TRAT1: variants seen among roughly 807,000 people sequenced by gnomAD.
TRAT1 encodes T cell receptor associated transmembrane adaptor 1, also known as T-cell receptor-associated transmembrane adapter 1.
In TRAT1, 20 loss-of-function variants were observed where a neutral mutation model predicts 20.0. The ratio of observed to expected loss-of-function variants is 1.00; its 90% CI spans 0.70 to 1.45. TRAT1 has a LOEUF of 1.45. Ranked by LOEUF, TRAT1 falls within the 40% of genes most tolerant of loss-of-function variation. The pLI is 0.00. For missense variants in TRAT1, 237 were observed against 224.1 expected (o/e 1.06, Z -0.37); for synonymous variants, 77 against 74.2 (o/e 1.04, Z -0.20).
intron 5 of TRAT1, among the ~76,000 whole-genome samples, chr3:108,849,634 GACCTTTAGTTATAAGATAA>G (rs1945978413): frequency 6.6e-6 from 1 of 152,142 alleles, no homozygotes; most frequent in Non-Finnish European, 1.5e-5. Context: ...GGGAGAGGGA[GACCTTTAGTTATAAGATAA>G]ATTAGCTAGA....
In TRAT1 at chr3:108,843,799, C is replaced by T. The variant is rs74753538; in HGVS notation, c.153-3269C>T. Among the ~76,000 whole-genome samples the T allele has an allele frequency of 5.7e-3, 872 of 152,286 alleles. 8 individuals are homozygous for T. Among genetic ancestry groups the T allele is most frequent in the African/African-American group, 0.02 (812 of 41,548 alleles). On this transcript the variant is annotated intron_variant, in intron 3 of 5. Coordinates refer to ENST00000295756, the MANE Select transcript of TRAT1 (RefSeq NM_016388.4). ...TTCAGCTTGCTGAGTCCCTCTGCAG[C>T]ATTTGACACCCTGACACTCTCTACT... is the stretch of plus-strand genomic sequence containing the variant.
chr3:108,854,261 A>G lies in TRAT1; in HGVS notation c.*384A>G. 1 of 160,236 alleles carries G rather than the reference A, an allele frequency of 6.2e-6. No individual in the cohort carries two copies. The highest frequency in any genetic ancestry group is 1.9e-4 in the South Asian group (1 of 5,188). 9.9% of individuals were successfully genotyped at this position (160,236 alleles called of 1,614,324 possible). A position where few individuals can be genotyped will look rare whatever the true frequency, so the allele number is the denominator to read the frequency against. On this transcript the variant is annotated 3_prime_UTR_variant, in exon 6 of 6. Coordinates refer to ENST00000295756, the MANE Select transcript of TRAT1 (RefSeq NM_016388.4). Reference sequence around the variant, plus strand: ...ATGAATGTGTTCTGGAACACGTTAGAAGAAAAATAAAAGCCAATGAGTTTT... The same window carrying G: ...ATGAATGTGTTCTGGAACACGTTAGGAGAAAAATAAAAGCCAATGAGTTTT...
chr3:108,829,228 A>G (rs1365712074), intron 1 of TRAT1, among the ~76,000 whole-genome samples: 1 of 152,174 alleles, frequency 6.6e-6, no homozygotes, highest in Non-Finnish European at 1.5e-5. Flanking sequence ...GCTGTTCTAT[A>G]CTATATTATG....
chr3:108,830,788 A>G lies in TRAT1; in HGVS notation c.118+8A>G. 4 of 1,570,218 alleles carry G rather than the reference A, an allele frequency of 2.5e-6. No homozygotes were observed. The highest frequency in any genetic ancestry group is 3.5e-6 in the Non-Finnish European group (4 of 1,140,114). ...TGGAAAAGCAACGACAAGGTAAGACATTTTGACAAATTTCACATGGTACCT... is the reference window on the plus strand; with the variant it reads ...TGGAAAAGCAACGACAAGGTAAGACGTTTTGACAAATTTCACATGGTACCT... On this transcript the variant is annotated splice_region_variant and intron_variant, in intron 2 of 5. Transcript: ENST00000295756.
chr3:108,847,004 A>G, intron 3 of TRAT1, 64 bp from the exon 4 acceptor site: 1 of 1,087,418 alleles, frequency 9.2e-7, no homozygotes, highest in African/African-American at 1.6e-5. Context: ...TTTAGCTGAG[A>G]AGTCAGTTAT....
intron 2 of TRAT1, among the ~76,000 whole-genome samples, chr3:108,833,408 ACT>A (rs1945812308): frequency 1.3e-5 from 2 of 151,890 alleles, no homozygotes; most frequent in Non-Finnish European, 2.9e-5. Context: ...AAAGAGCAAG[ACT>A]CTGTCAAAAA....
chr3:108,828,132 C>T (rs1258511193), intron 1 of TRAT1, among the ~76,000 whole-genome samples: 1 of 151,870 alleles, frequency 6.6e-6, no homozygotes, highest in Non-Finnish European at 1.5e-5. Flanking sequence ...TGTTTATTTC[C>T]TTGAAGTATG....
At chr3:108,828,995 C>T (rs72949556) in intron 1 of TRAT1, among the ~76,000 whole-genome samples, 7,271 of 152,242 alleles carry the variant, frequency 0.048, 234 homozygotes, top group Middle Eastern at 0.11. Context: ...AAATCAACTT[C>T]TCATCCCTTC....
chr3:108,825,685 A>T (rs1024936826), intron 1 of TRAT1, among the ~76,000 whole-genome samples: 1 of 152,184 alleles, frequency 6.6e-6, no homozygotes, highest in Non-Finnish European at 1.5e-5. Flanking sequence ...AATGTCCCCA[A>T]GTTGCTAGTG....
intron 3 of TRAT1, among the ~76,000 whole-genome samples, chr3:108,843,383 T>C (rs1460687817): frequency 6.6e-6 from 1 of 151,930 alleles, no homozygotes; most frequent in African/African-American, 2.4e-5. Flanking sequence ...TACAAAAATT[T>C]GCTGGGCATG....
intron 4 of TRAT1, among the ~76,000 whole-genome samples, chr3:108,848,602 G>C (rs2593833): frequency 0.55 from 82,988 of 152,014 alleles, 23,131 homozygotes; most frequent in East Asian, 0.9. Context: ...GACCAGCATT[G>C]TGCAGCCCCA....
Position 108,853,814 on chromosome 3 carries a change from C to A in TRAT1, c.498C>A (p.Asn166Lys). ...FSPESQAVEE[N>K]IHDDPIRLFG... Reference sequence around the variant, plus strand: ...CAGAAAGCCAGGCAGTAGAGGAAAACATTCATGATGATCCCATCAGACTGT... The same window carrying A: ...CAGAAAGCCAGGCAGTAGAGGAAAAAATTCATGATGATCCCATCAGACTGT... The change falls in exon 6 of 6, where the codon AAC (asparagine) becomes AAA (lysine). Residue 166 changes from asparagine to lysine, a missense_variant. Physicochemically the swap from Asn to Lys is moderately conservative, Grantham distance 94. Transcript: ENST00000295756. 1 of 1,614,042 alleles carries A rather than the reference C, an allele frequency of 6.2e-7. No individual in the cohort carries two copies. Among genetic ancestry groups the A allele is most frequent in the Non-Finnish European group, 8.5e-7 (1 of 1,179,912 alleles).
At chr3:108,825,125 AT>A (rs1945724452) in intron 1 of TRAT1, among the ~76,000 whole-genome samples, 1 of 34,150 alleles carries the variant, frequency 2.9e-5, no homozygotes, top group African/African-American at 6.3e-5. Context: ...AGATGATAGT[AT>A]TTTTTATATT....
At chr3:108,823,544 T>A (rs1945710976) in intron 1 of TRAT1, among the ~76,000 whole-genome samples, 1 of 152,230 alleles carries the variant, frequency 6.6e-6, no homozygotes, top group South Asian at 2.1e-4. Context: ...AACATCTTTT[T>A]GTTGCAAAAG....
At chr3:108,837,789 A>G (rs1279104958) in intron 2 of TRAT1, among the ~76,000 whole-genome samples, 2 of 152,214 alleles carry the variant, frequency 1.3e-5, no homozygotes, top group Non-Finnish European at 2.9e-5. Context: ...GTTCAACAGT[A>G]AAGAAAATTT....
chr3:108,845,414 C>T (rs916790963), intron 3 of TRAT1, among the ~76,000 whole-genome samples: 4 of 152,164 alleles, frequency 2.6e-5, no homozygotes, highest in African/African-American at 7.2e-5. Context: ...ATTAAAAATT[C>T]TTCAGTTTTT....
chr3:108,839,581 G>C (rs1234336625), intron 3 of TRAT1, among the ~76,000 whole-genome samples: 1 of 151,826 alleles, frequency 6.6e-6, no homozygotes, highest in African/African-American at 2.4e-5. Context: ...GGGAGGCGGA[G>C]GTTGCAGTGA....
At chr3:108,828,916 T>C (rs2107506581) in intron 1 of TRAT1, among the ~76,000 whole-genome samples, 1 of 152,312 alleles carries the variant, frequency 6.6e-6, no homozygotes, top group African/African-American at 2.4e-5. Flanking sequence ...GTCATCAAAG[T>C]CTATTTTACT....
intron 3 of TRAT1, among the ~76,000 whole-genome samples, chr3:108,842,831 T>C (rs909950443): frequency 1.3e-5 from 2 of 152,208 alleles, no homozygotes; most frequent in South Asian, 4.1e-4. Context: ...TAACAGACTT[T>C]ACAAAGAAAT....
Sources: gnomAD v4.1 joint callset for allele counts (sites outside exome capture counted in the v4.1 genomes callset) on GRCh38, gnomAD v4.1.1 for gene constraint, MANE v1.5 for transcripts, NCBI Gene and HGNC (gene_info 2026-07-23, HGNC 2026-07-21) for gene names.